The following TM7SF3 variants were observed in gnomAD, a reference collection of about 807,000 sequenced individuals.
The protein encoded by TM7SF3 is seven span transmembrane protein.
Under a neutral mutation model 65.5 loss-of-function variants are expected in TM7SF3, and 60 were observed. The observed-to-expected ratio is 0.92, with a 90% confidence interval of 0.74 to 1.14. The LOEUF (loss-of-function observed/expected upper bound fraction) is 1.14. TM7SF3 is among the 50% of genes most tolerant of loss of function. The probability of loss-of-function intolerance (pLI) is 0.00; values close to 1 mark genes in which losing one functional copy is unlikely to be tolerated. For synonymous variants in TM7SF3, 264 were observed against 259.6 expected, an observed-to-expected ratio of 1.02 and a Z score of -0.16; for missense variants, 623 against 684.8, an observed-to-expected ratio of 0.91 and a Z score of 1.01.
intron 1 of TM7SF3, among the ~76,000 whole-genome samples, chr12:27,006,125 C>CTTCTTT (rs1280546565): frequency 4.8e-5 from 7 of 146,410 alleles, no homozygotes; most frequent in African/African-American, 1.8e-4. Flanking sequence ...TACACTTGTC[C>CTTCTTT]TTCTTTTTCT....
chr12:26,996,860 G>T lies in TM7SF3; in HGVS notation c.400C>A (p.Pro134Thr). The T allele has an allele frequency of 1.2e-6, 2 of 1,606,508 alleles. No individual in the cohort carries two copies. Among genetic ancestry groups the T allele is most frequent in the Non-Finnish European group, 1.7e-6 (2 of 1,177,756 alleles). Residue 134 changes from proline to threonine, a missense_variant and splice_region_variant, in exon 4 of 12, where the codon CCT becomes ACT. Physicochemically the swap from Pro to Thr is conservative, Grantham distance 38 (BLOSUM62 -1). Transcript: ENST00000343028. ...AILLSYSERD[P>T]VPGGCNLEFD... Reference sequence around the variant, plus strand: ...TCCAAATTACAGCCTCCAGGGACAGGATCTGGATAAGAAATAGGGAAGTTA... The same window carrying T: ...TCCAAATTACAGCCTCCAGGGACAGTATCTGGATAAGAAATAGGGAAGTTA...
chr12:26,979,799 A>G lies in TM7SF3; in HGVS notation c.1174T>C (p.Phe392Leu), dbSNP rs752096935. The change falls in exon 9 of 12, where the codon TTC (phenylalanine) becomes CTC (leucine). Residue 392 changes from phenylalanine (F) to leucine (L), a missense_variant. Coordinates refer to ENST00000343028, the MANE Select transcript of TM7SF3 (RefSeq NM_016551.3). ...VLGFLISSVT[F>L]FTPLGNLKIF... ...TATCGCCTACCCAGTGGAGTAAAGA[A>G]AGTCACTGACGAGATGAGGAACCCC... is the stretch of plus-strand genomic sequence containing the variant. 3 of 1,614,056 alleles carry G rather than the reference A, an allele frequency of 1.9e-6. No individual in the cohort carries two copies. The highest frequency in any genetic ancestry group is 2.5e-6 in the Non-Finnish European group (3 of 1,179,978).
At chr12:27,010,081 A>G (rs779252985) in intron 1 of TM7SF3, among the ~76,000 whole-genome samples, 1 of 152,212 alleles carries the variant, frequency 6.6e-6, no homozygotes, top group Non-Finnish European at 1.5e-5. Context: ...TGCCTGAACT[A>G]TGTGACCTCA....
At chr12:27,008,109 T>C (rs1010091098) in intron 1 of TM7SF3, among the ~76,000 whole-genome samples, 20 of 152,292 alleles carry the variant, frequency 1.3e-4, no homozygotes, top group Middle Eastern at 6.8e-3. Flanking sequence ...GGTATTCTCA[T>C]CTTCAGTAGA....
At chr12:26,980,404 T>C (rs1245243197) in intron 8 of TM7SF3, 162 bp downstream of exon 8, 1 of 609,900 alleles carries the variant, frequency 1.6e-6, no homozygotes, top group Non-Finnish European at 2.9e-6. Context: ...AAGGTCTGAA[T>C]GAGTAGTTCA....
At chr12:27,010,223 T>C (rs1941194551) in intron 1 of TM7SF3, among the ~76,000 whole-genome samples, 2 of 152,206 alleles carry the variant, frequency 1.3e-5, no homozygotes, top group South Asian at 2.1e-4. Flanking sequence ...GGCTACACAA[T>C]AAAGCATCAT....
Position 27,003,394 on chromosome 12 carries a change from C to T in TM7SF3, c.92-4G>A, listed in dbSNP as rs756783204. ...CCCACAGAAAATTCAATAAGACCTA[C>T]AACGAGATAAACTTTTCATTACAAC... On this transcript the variant is annotated splice_polypyrimidine_tract_variant and splice_region_variant and intron_variant, in intron 1 of 11. Transcript: ENST00000343028. 3 of 1,605,616 alleles carry T rather than the reference C, an allele frequency of 1.9e-6. No homozygotes were observed. The highest frequency in any genetic ancestry group is 1.7e-5 in the Admixed American group (1 of 58,216).
intron 5 of TM7SF3, 38 bp from the exon 6 acceptor site, chr12:26,990,665 A>AT (rs759066638): frequency 8.4e-6 from 13 of 1,550,328 alleles, no homozygotes; most frequent in African/African-American, 4.1e-5. Flanking sequence ...TGTTTAGGGG[A>AT]TTTTTTTAAG....
intron 2 of TM7SF3, chr12:26,999,940 C>T: frequency 2.6e-6 from 1 of 381,340 alleles, no homozygotes; most frequent in Non-Finnish European, 4.8e-6. Flanking sequence ...TTATAAACAA[C>T]AGAAATTTAT....
At chr12:27,010,970 TG>T (rs2136460642) in intron 1 of TM7SF3, among the ~76,000 whole-genome samples, 1 of 152,358 alleles carries the variant, frequency 6.6e-6, no homozygotes, top group South Asian at 2.1e-4. Context: ...TTACTTCTAC[TG>T]TTTGTGTTTC....
intron 1 of TM7SF3, among the ~76,000 whole-genome samples, chr12:27,005,560 G>T (rs1941000182): frequency 6.6e-6 from 1 of 152,094 alleles, no homozygotes; most frequent in Non-Finnish European, 1.5e-5. Context: ...AAAAGCCCTG[G>T]AAGAGACTGA....
intron 8 of TM7SF3, 187 bp from the exon 9 acceptor site, chr12:26,980,123 G>A: frequency 1.5e-6 from 1 of 654,168 alleles, no homozygotes; most frequent in South Asian, 2.0e-5. Flanking sequence ...GCTGAGACAA[G>A]GAAATTAGCT....
chr12:26,972,638 G>A lies in TM7SF3; in HGVS notation c.*1327C>T, dbSNP rs998338684. On this transcript the variant is annotated 3_prime_UTR_variant, in exon 12 of 12. Transcript: ENST00000343028. ...GTAGTATATATTCTACTATACTATAGTAGAGACCACTATGTTGGCCAGGCT... is the reference window on the plus strand; with the variant it reads ...GTAGTATATATTCTACTATACTATAATAGAGACCACTATGTTGGCCAGGCT... 3 of 151,812 alleles carry A rather than the reference G, an allele frequency of 2.0e-5. No individual in the cohort carries two copies. The highest frequency in any genetic ancestry group is 2.9e-5 in the Non-Finnish European group (2 of 67,962). The allele number at this position is 151,812 out of a possible 1,614,324, so 9.4% of individuals were successfully genotyped here. A position where few individuals can be genotyped will look rare whatever the true frequency, so the allele number is the denominator to read the frequency against.
intron 2 of TM7SF3, among the ~76,000 whole-genome samples, chr12:27,001,647 T>C (rs1940835729): frequency 6.6e-6 from 1 of 152,216 alleles, no homozygotes; most frequent in African/African-American, 2.4e-5. Flanking sequence ...CCTTCAAATG[T>C]TGTCTTGCTG....
intron 3 of TM7SF3, among the ~76,000 whole-genome samples, chr12:26,998,899 C>T (rs1265141472): frequency 2.6e-5 from 4 of 152,190 alleles, no homozygotes; most frequent in East Asian, 3.8e-4. Flanking sequence ...ACACTCACAA[C>T]GTGCCATTCT....
intron 8 of TM7SF3, chr12:26,980,343 C>A: frequency 1.8e-6 from 1 of 549,842 alleles, no homozygotes; most frequent in Non-Finnish European, 3.2e-6. Context: ...TCAATATGGC[C>A]CCTCCTTTCC....
Position 27,003,266 on chromosome 12 carries a change from C to A in TM7SF3, c.216G>T (p.Gln72His). 6.2e-7 allele frequency: 1 copy of A among 1,612,440 alleles called. No homozygotes were observed. Among genetic ancestry groups the A allele is most frequent in the Non-Finnish European group, 8.5e-7 (1 of 1,178,928 alleles). ...AAAAGGAAACAGTTGTATTCTGATA[C>A]TGTGAGTGTATTTGGAAAATAAGAA... Reference protein sequence around the residue: ...VTFLIFQIHSQYQNTTVSFSP... With the variant: ...VTFLIFQIHSHYQNTTVSFSP... The change falls in exon 2 of 12, where the codon CAG becomes CAT. Residue 72 changes from glutamine (Q) to histidine (H), a missense_variant. By Grantham distance (24) the Gln-to-His change is conservative (BLOSUM62 0). Coordinates refer to ENST00000343028, the MANE Select transcript of TM7SF3 (RefSeq NM_016551.3).
At position 26,973,929 on chromosome 12, in the gene TM7SF3, C is replaced by T. The variant is rs1345872648; in HGVS notation, c.*36G>A. ...TGTTGAACCACTCCAGGCATGAACTCCAAAGCTGAGGCACACTGACCAAGC... is the reference window on the plus strand; with the variant it reads ...TGTTGAACCACTCCAGGCATGAACTTCAAAGCTGAGGCACACTGACCAAGC... On this transcript the variant is annotated 3_prime_UTR_variant, in exon 12 of 12. Coordinates refer to ENST00000343028, the MANE Select transcript of TM7SF3 (RefSeq NM_016551.3). 2 of 1,605,018 alleles carry T rather than the reference C, an allele frequency of 1.2e-6. No homozygotes were observed. Among genetic ancestry groups the T allele is most frequent in the South Asian group, 1.1e-5 (1 of 90,026 alleles).
chr12:26,998,687 A>ATT (rs1203455763), intron 3 of TM7SF3, among the ~76,000 whole-genome samples: 2 of 152,002 alleles, frequency 1.3e-5, no homozygotes, highest in Middle Eastern at 3.4e-3. Context: ...TCAGATCCTC[A>ATT]TTTCTCATTT....
Sources: gnomAD v4.1 joint callset for allele counts (sites outside exome capture counted in the v4.1 genomes callset) on GRCh38, gnomAD v4.1.1 for gene constraint, MANE v1.5 for transcripts, NCBI Gene and HGNC (gene_info 2026-07-23, HGNC 2026-07-21) for gene names.